YPEL1: variants seen among roughly 807,000 people sequenced by gnomAD.
YPEL1 encodes yippee like 1.
A neutral mutation model predicts 17.3 loss-of-function variants in YPEL1; 7 were observed. The observed-to-expected ratio is 0.40, with a 90% CI of 0.23 to 0.76. The LOEUF is 0.76. Ranked by LOEUF, YPEL1 falls within the 30% of genes least tolerant of loss-of-function variation. YPEL1 has a pLI of 0.35. For synonymous variants in YPEL1, 59 were observed against 59.6 expected (o/e 0.99, Z 0.05); for missense variants, 91 against 155.5 (o/e 0.59, Z 2.21).
At chr22:21,726,012 C>T (rs763775408) in intron 1 of YPEL1, among the ~76,000 whole-genome samples, 29 of 152,076 alleles carry the variant, frequency 1.9e-4, no homozygotes, top group Non-Finnish European at 2.9e-4. Flanking sequence ...AAAGAAACAT[C>T]AGTACTTGAT....
chr22:21,699,631 A>C lies in YPEL1; in HGVS notation c.*1498T>G, dbSNP rs2148591883. On this transcript the variant is annotated 3_prime_UTR_variant, in exon 5 of 5. Coordinates refer to ENST00000339468, the MANE Select transcript of YPEL1 (RefSeq NM_013313.5). ...CCAGGCGTCTTCATGCACAAAGGCTAAACTTGTTGCTTTAACCTTTTCTGA... is the reference window on the plus strand; with the variant it reads ...CCAGGCGTCTTCATGCACAAAGGCTCAACTTGTTGCTTTAACCTTTTCTGA... The C allele has an allele frequency of 6.5e-6, 1 of 152,870 alleles. No individual in the cohort carries two copies. The highest frequency in any genetic ancestry group is 2.1e-4 in the South Asian group (1 of 4,834). 9.5% of individuals were successfully genotyped at this position (152,870 alleles called of 1,614,324 possible).
At chr22:21,708,615 C>T (rs2068358161) in intron 2 of YPEL1, among the ~76,000 whole-genome samples, 1 of 150,522 alleles carries the variant, frequency 6.6e-6, no homozygotes, top group South Asian at 2.1e-4. Flanking sequence ...TCTGGGATTA[C>T]AGGTGTAAGC....
intron 1 of YPEL1, among the ~76,000 whole-genome samples, chr22:21,717,115 C>T (rs1223193403): frequency 2.0e-5 from 3 of 150,742 alleles, no homozygotes; most frequent in Non-Finnish European, 4.4e-5. Context: ...CCTGTAATCC[C>T]AGCACTTTGG....
intron 1 of YPEL1, among the ~76,000 whole-genome samples, chr22:21,733,022 TG>T (rs2068403319): frequency 6.6e-6 from 1 of 152,110 alleles, no homozygotes; most frequent in Non-Finnish European, 1.5e-5. Flanking sequence ...AGGCTGAGGC[TG>T]TAGGATTGCT....
At chr22:21,704,010 C>A (rs550405474) in intron 2 of YPEL1, 128 bp from the exon 3 acceptor site, 1 of 995,580 alleles carries the variant, frequency 1.0e-6, no homozygotes, top group African/African-American at 1.6e-5. Flanking sequence ...GGAGCAGACA[C>A]CGGCGTCCCC....
rs112986535 is a variant in YPEL1 at position 21,714,710 on chromosome 22, T to C, written c.-164-3802A>G. Among the ~76,000 whole-genome samples the C allele has an allele frequency of 7.1e-3, 1,080 of 152,306 alleles. 15 individuals carry two copies. The highest frequency in any genetic ancestry group is 0.024 in the African/African-American group (977 of 41,574). The stretch of plus-strand genomic sequence containing the variant: ...CTCCCAAGTGCCGGTGACAAGGTCA[T>C]CCTGCCAGCAGCGAACATGAGTCCC... On this transcript the variant is annotated intron_variant, in intron 1 of 4. Transcript: ENST00000339468.
intron 1 of YPEL1, among the ~76,000 whole-genome samples, chr22:21,726,629 G>C (rs1326744365): frequency 6.6e-6 from 1 of 152,194 alleles, no homozygotes; most frequent in Non-Finnish European, 1.5e-5. Flanking sequence ...TGTTACCCCA[G>C]GGTCCTCCAT....
At chr22:21,704,025 C>A in intron 2 of YPEL1, 143 bp from the exon 3 acceptor site, 1 of 865,106 alleles carries the variant, frequency 1.2e-6, no homozygotes, top group Non-Finnish European at 1.9e-6. Context: ...GTCCCCCCTC[C>A]AGAACTCCAC....
chr22:21,720,494 C>T (rs991091256), intron 1 of YPEL1, among the ~76,000 whole-genome samples: 7 of 151,932 alleles, frequency 4.6e-5, no homozygotes, highest in Non-Finnish European at 1.0e-4. Flanking sequence ...AGCCACCACA[C>T]CTGACTGCGA....
At chr22:21,727,704 T>C (rs542388743) in intron 1 of YPEL1, among the ~76,000 whole-genome samples, 1 of 152,312 alleles carries the variant, frequency 6.6e-6, no homozygotes, top group Admixed American at 6.5e-5. Flanking sequence ...TGACACTTCA[T>C]GGGATGGAGT....
chr22:21,702,086 C>T (rs979609093), intron 4 of YPEL1, among the ~76,000 whole-genome samples: 1 of 152,182 alleles, frequency 6.6e-6, no homozygotes, highest in Non-Finnish European at 1.5e-5. Flanking sequence ...GTTAACATCT[C>T]TCCCACAGAC....
At chr22:21,728,599 T>G (rs1351105551) in intron 1 of YPEL1, among the ~76,000 whole-genome samples, 1 of 152,160 alleles carries the variant, frequency 6.6e-6, no homozygotes, top group Non-Finnish European at 1.5e-5. Context: ...GAAGCTGGAT[T>G]CAAAGCCAGA....
intron 2 of YPEL1, among the ~76,000 whole-genome samples, chr22:21,706,679 C>T (rs1231617351): frequency 2.0e-5 from 3 of 151,600 alleles, no homozygotes; most frequent in Non-Finnish European, 2.9e-5. Context: ...AACCCTGTCC[C>T]TACAAAAAAT....
intron 1 of YPEL1, chr22:21,723,261 C>G (rs1050049751): frequency 3.3e-5 from 5 of 152,498 alleles, no homozygotes; most frequent in African/African-American, 1.2e-4. Context: ...GTGGCGTGAT[C>G]TCGGCTCACT....
intron 1 of YPEL1, among the ~76,000 whole-genome samples, chr22:21,712,101 G>A (rs1472653718): frequency 2.0e-5 from 3 of 152,104 alleles, no homozygotes; most frequent in Non-Finnish European, 4.4e-5. Context: ...CTTGAGCCTG[G>A]GAAGTTGAGG....
At chr22:21,712,509 T>C (rs1796142737) in intron 1 of YPEL1, among the ~76,000 whole-genome samples, 1 of 151,304 alleles carries the variant, frequency 6.6e-6, no homozygotes, top group East Asian at 2.0e-4. Flanking sequence ...GGTGGATCAC[T>C]AGGTCAGGAG....
At chr22:21,728,468 A>G (rs1447290302) in intron 1 of YPEL1, among the ~76,000 whole-genome samples, 1 of 152,160 alleles carries the variant, frequency 6.6e-6, no homozygotes, top group Non-Finnish European at 1.5e-5. Context: ...CCATACAAGA[A>G]TCGCACGATT....
At chr22:21,730,422 C>G (rs2068376225) in intron 1 of YPEL1, among the ~76,000 whole-genome samples, 2 of 152,254 alleles carry the variant, frequency 1.3e-5, no homozygotes, top group South Asian at 4.1e-4. Flanking sequence ...GGGGTTTCAC[C>G]ATGTTGGCCA....
chr22:21,718,419 C>G (rs188638021), intron 1 of YPEL1, among the ~76,000 whole-genome samples: 2 of 151,398 alleles, frequency 1.3e-5, no homozygotes. Flanking sequence ...GAGCTGAGAT[C>G]GCACCACTGC....
Sources: allele counts gnomAD v4.1 joint callset (sites outside exome capture counted in the v4.1 genomes callset), GRCh38; gene constraint gnomAD v4.1.1; transcripts MANE v1.5; gene names NCBI Gene and HGNC (gene_info 2026-07-23, HGNC 2026-07-21).